The following CFAP58 variants were observed in gnomAD, a reference collection of about 807,000 sequenced individuals.
CFAP58 encodes the protein cilia- and flagella-associated protein 58.
In CFAP58, 88 loss-of-function variants were observed where a neutral mutation model predicts 119.5. The ratio of observed to expected loss-of-function variants is 0.74; its 90% CI spans 0.62 to 0.88. The LOEUF (loss-of-function observed/expected upper bound fraction) is 0.88. Among genes scored for constraint, CFAP58 ranks in the 40% least tolerant of loss-of-function variants. The pLI is 0.00. For missense variants in CFAP58, 990 were observed against 1,021.2 expected, an observed-to-expected ratio of 0.97 and a Z score of 0.42; for synonymous variants, 365 against 366.3, an observed-to-expected ratio of 1.00 and a Z score of 0.04.
intron 15 of CFAP58, among the ~76,000 whole-genome samples, chr10:104,439,857 T>G (rs1053327326): frequency 6.6e-6 from 1 of 152,242 alleles, no homozygotes; most frequent in Admixed American, 6.5e-5. Flanking sequence ...TCTCGCTCTG[T>G]GGCCCAGGCT....
intron 15 of CFAP58, among the ~76,000 whole-genome samples, chr10:104,418,253 C>T (rs1231353470): frequency 1.3e-5 from 2 of 152,160 alleles, no homozygotes; most frequent in African/African-American, 4.8e-5. Flanking sequence ...CTCTTAGAAA[C>T]CTTAGTCATT....
chr10:104,353,792 G>A (rs1015059187), upstream of CFAP58: 4 of 1,389,272 alleles, frequency 2.9e-6, no homozygotes, highest in South Asian at 5.1e-5. Context: ...CGCTCGGGGC[G>A]GGCGATAGAG....
At chr10:104,359,778 A>G (rs1191655924) in intron 2 of CFAP58, among the ~76,000 whole-genome samples, 2 of 152,252 alleles carry the variant, frequency 1.3e-5, no homozygotes, top group African/African-American at 4.8e-5. Context: ...CCTTGGCAAC[A>G]GAGCAAGACT....
chr10:104,380,304 G>A (rs1039674124), intron 9 of CFAP58, 84 bp downstream of exon 9: 1 of 1,232,682 alleles, frequency 8.1e-7, no homozygotes, highest in Non-Finnish European at 1.1e-6. Flanking sequence ...GTTGCAAAGA[G>A]AATTTATTCA....
At chr10:104,378,861 G>T (rs994152966) in intron 8 of CFAP58, among the ~76,000 whole-genome samples, 2 of 151,656 alleles carry the variant, frequency 1.3e-5, no homozygotes, top group African/African-American at 2.4e-5. Flanking sequence ...GGGAACTTGG[G>T]CAGCCAACCC....
At chr10:104,425,512 A>G (rs1210551585) in intron 15 of CFAP58, among the ~76,000 whole-genome samples, 1 of 152,220 alleles carries the variant, frequency 6.6e-6, no homozygotes, top group Non-Finnish European at 1.5e-5. Flanking sequence ...CGCAGCTAAC[A>G]GGTCTTAACT....
intron 11 of CFAP58, among the ~76,000 whole-genome samples, chr10:104,393,917 G>C (rs907737622): frequency 6.6e-6 from 1 of 152,150 alleles, no homozygotes; most frequent in East Asian, 1.9e-4. Flanking sequence ...TACTTTGTGT[G>C]CATGTGACGT....
intron 15 of CFAP58, among the ~76,000 whole-genome samples, chr10:104,447,266 C>T (rs1308674242): frequency 6.6e-6 from 1 of 152,030 alleles, no homozygotes; most frequent in Non-Finnish European, 1.5e-5. Flanking sequence ...GACCCTCCTG[C>T]CTCAGCCTCC....
intron 11 of CFAP58, among the ~76,000 whole-genome samples, chr10:104,398,182 T>C: frequency 6.6e-6 from 1 of 152,258 alleles, no homozygotes; most frequent in African/African-American, 2.4e-5. Context: ...TGTACACACA[T>C]GTCCTTTTCA....
intron 8 of CFAP58, 21 bp from the exon 9 acceptor site, chr10:104,380,008 G>A (rs1188594985): frequency 6.8e-6 from 11 of 1,605,890 alleles, no homozygotes; most frequent in African/African-American, 1.3e-5. Flanking sequence ...TAATGTGACT[G>A]CTTTGTGCCC....
At chr10:104,427,242 A>T (rs141547421) in intron 15 of CFAP58, among the ~76,000 whole-genome samples, 263 of 152,328 alleles carry the variant, frequency 1.7e-3, no homozygotes, top group African/African-American at 5.3e-3. Flanking sequence ...CAATCTATTC[A>T]TCTGAAAAAA....
chr10:104,377,014 T>C, intron 8 of CFAP58, 121 bp downstream of exon 8: 2 of 655,384 alleles, frequency 3.1e-6, no homozygotes, highest in East Asian at 2.8e-5. Flanking sequence ...TTAGAATAAA[T>C]AATAGTGCTT....
chr10:104,445,563 A>G (rs962303204), intron 15 of CFAP58, among the ~76,000 whole-genome samples: 1 of 152,166 alleles, frequency 6.6e-6, no homozygotes, highest in African/African-American at 2.4e-5. Context: ...TTTGAACCTG[A>G]TTCCACTTTC....
At position 104,454,731 on chromosome 10, in the gene CFAP58, C is replaced by A; in HGVS notation, c.*201C>A. 1.8e-6 allele frequency: 1 copy of A among 540,644 alleles called. No individual in the cohort carries two copies. Among genetic ancestry groups the A allele is most frequent in the Non-Finnish European group, 3.3e-6 (1 of 306,202 alleles). The allele number at this position is 540,644 out of a possible 1,614,324, so 33.5% of individuals were successfully genotyped here. A position where few individuals can be genotyped will look rare whatever the true frequency, so the allele number is the denominator to read the frequency against. Reference sequence around the variant, plus strand: ...ACGTTGATATTAACAGATCATAATTCTCTCTGTTCAGTTAGGCTGACCTAT... The same window carrying A: ...ACGTTGATATTAACAGATCATAATTATCTCTGTTCAGTTAGGCTGACCTAT... On this transcript the variant is annotated 3_prime_UTR_variant, in exon 18 of 18. Coordinates refer to ENST00000369704, the MANE Select transcript of CFAP58 (RefSeq NM_001008723.2).
chr10:104,454,428 G>A lies in CFAP58; in HGVS notation c.2517G>A (p.Lys839=). 1 of 1,612,714 alleles carries A rather than the reference G, an allele frequency of 6.2e-7. No homozygotes were observed. Among genetic ancestry groups the A allele is most frequent in the Non-Finnish European group, 8.5e-7 (1 of 1,179,018 alleles). Residue 839 remains lysine (K), a synonymous_variant, in exon 18 of 18, where the codon AAG becomes AAA. Coordinates refer to ENST00000369704, the MANE Select transcript of CFAP58 (RefSeq NM_001008723.2). ...TTCACCTCCTCTCTTACAGAAACAA[G>A]GACACAGCACCCATGGATAACACCT... ...QKRKEQLQKN[K]DTAPMDNTFL...
intron 7 of CFAP58, among the ~76,000 whole-genome samples, chr10:104,375,238 AT>A (rs1422987219): frequency 6.0e-5 from 9 of 150,206 alleles, no homozygotes; most frequent in Non-Finnish European, 1.3e-4. Context: ...ACAAATATAT[AT>A]ATAAATATAT....
At chr10:104,345,997 T>A in the CFAP58 span, among the ~76,000 whole-genome samples, 1 of 152,092 alleles carries the variant, frequency 6.6e-6, no homozygotes, top group Non-Finnish European at 1.5e-5. Context: ...GAGAGAGGTT[T>A]GTTTTGGCTC....
At chr10:104,443,605 G>A (rs532674546) in intron 15 of CFAP58, among the ~76,000 whole-genome samples, 4 of 152,364 alleles carry the variant, frequency 2.6e-5, no homozygotes, top group African/African-American at 9.6e-5. Context: ...TGCGAGCTGA[G>A]GAAGAAGGGG....
intron 1 of CFAP58, among the ~76,000 whole-genome samples, chr10:104,356,574 T>C (rs1589905310): frequency 6.6e-6 from 1 of 152,204 alleles, no homozygotes; most frequent in African/African-American, 2.4e-5. Context: ...TGCAGAATAA[T>C]GCAATCCGTA....
Sources: allele counts gnomAD v4.1 joint callset (sites outside exome capture counted in the v4.1 genomes callset), GRCh38; gene constraint gnomAD v4.1.1; transcripts MANE v1.5; gene names NCBI Gene and HGNC (gene_info 2026-07-23, HGNC 2026-07-21).